The following SLC35D4 variants were observed in gnomAD, a reference collection of about 807,000 sequenced individuals.
SLC35D4 encodes the protein UDP-N-acetylglucosamine transporter SLC35D4.
At chr18:23,401,661 G>A in the SLC35D4 span, among the ~76,000 whole-genome samples, 1 of 152,180 alleles carries the variant, frequency 6.6e-6, no homozygotes, top group Non-Finnish European at 1.5e-5. Flanking sequence ...GGAAGGAGGA[G>A]GTGCACTGGG....
the SLC35D4 span, among the ~76,000 whole-genome samples, chr18:23,343,143 G>A: frequency 2.0e-5 from 3 of 152,148 alleles, no homozygotes; most frequent in South Asian, 2.1e-4. Context: ...GGCTGGTGTC[G>A]AACTCCTGAT....
At chr18:23,400,251 C>A in the SLC35D4 span, among the ~76,000 whole-genome samples, 2 of 152,204 alleles carry the variant, frequency 1.3e-5, no homozygotes, top group African/African-American at 2.4e-5. Context: ...TTTTCTCTTA[C>A]AATTTAGAAT....
the SLC35D4 span, among the ~76,000 whole-genome samples, chr18:23,434,737 T>C: frequency 6.6e-6 from 1 of 151,980 alleles, no homozygotes; most frequent in South Asian, 2.1e-4. Context: ...GAGGTTACAG[T>C]AAGCCATGAT....
the SLC35D4 span, chr18:23,437,956 A>G: frequency 1.6e-6 from 2 of 1,287,580 alleles, no homozygotes; most frequent in Non-Finnish European, 2.2e-6. Context: ...GCAGCCGCCC[A>G]GAGACGGCCA....
chr18:23,364,793 C>T, the SLC35D4 span, among the ~76,000 whole-genome samples: 1 of 150,292 alleles, frequency 6.7e-6, no homozygotes, highest in African/African-American at 2.4e-5. Context: ...GTCCCAGCCA[C>T]TCGGGAGGCT....
At chr18:23,249,161 C>T in the SLC35D4 span, among the ~76,000 whole-genome samples, 1 of 152,266 alleles carries the variant, frequency 6.6e-6, no homozygotes, top group Admixed American at 6.5e-5. Context: ...CTTGCTCCAG[C>T]CCTGCCTTCA....
chr18:23,418,888 G>GCCCAATTCTTACTGAACTA, the SLC35D4 span, among the ~76,000 whole-genome samples: 1 of 151,770 alleles, frequency 6.6e-6, no homozygotes, highest in Admixed American at 6.6e-5. Flanking sequence ...CGCGCCTGTA[G>GCCCAATTCTTACTGAACTA]TCCCAGCTAC....
chr18:23,248,561 C>T, the SLC35D4 span, among the ~76,000 whole-genome samples: 4 of 132,392 alleles, frequency 3.0e-5, no homozygotes, highest in South Asian at 9.8e-4. Flanking sequence ...GACGTGGTGG[C>T]TCATGCCTGT....
At chr18:23,266,841 C>T in the SLC35D4 span, among the ~76,000 whole-genome samples, 1 of 152,246 alleles carries the variant, frequency 6.6e-6, no homozygotes, top group Non-Finnish European at 1.5e-5. Flanking sequence ...ACCCGCCCTG[C>T]AGAGCAGCTT....
the SLC35D4 span, among the ~76,000 whole-genome samples, chr18:23,336,898 C>T: frequency 6.6e-6 from 1 of 152,172 alleles, no homozygotes; most frequent in Middle Eastern, 3.4e-3. Flanking sequence ...TAATAGAATA[C>T]AAAGTAGAAA....
chr18:23,412,953 T>C, the SLC35D4 span, among the ~76,000 whole-genome samples: 4 of 152,350 alleles, frequency 2.6e-5, no homozygotes, highest in South Asian at 6.2e-4. Flanking sequence ...CTAGCTGAGA[T>C]GCTCAAGGCT....
At chr18:23,253,119 C>T in the SLC35D4 span, 2 of 985,342 alleles carry the variant, frequency 2.0e-6, no homozygotes, top group Admixed American at 1.7e-5. Context: ...CCTCTTTCCA[C>T]ACACCGTAAG....
chr18:23,352,506 T>G, the SLC35D4 span, among the ~76,000 whole-genome samples: 1 of 152,168 alleles, frequency 6.6e-6, no homozygotes, highest in African/African-American at 2.4e-5. Flanking sequence ...GAATTTTGAT[T>G]AGAGGAATGG....
the SLC35D4 span, among the ~76,000 whole-genome samples, chr18:23,359,069 A>C: frequency 6.6e-6 from 1 of 152,144 alleles, no homozygotes; most frequent in East Asian, 1.9e-4. Context: ...TACACGGCTT[A>C]AGCACAAATC....
chr18:23,373,069 C>A, the SLC35D4 span, among the ~76,000 whole-genome samples: 2 of 152,094 alleles, frequency 1.3e-5, no homozygotes, highest in Admixed American at 6.6e-5. Flanking sequence ...ATACCAGCAC[C>A]TTGGGAGGCC....
At chr18:23,294,980 G>A in the SLC35D4 span, among the ~76,000 whole-genome samples, 1 of 151,532 alleles carries the variant, frequency 6.6e-6, no homozygotes, top group African/African-American at 2.4e-5. Flanking sequence ...TTGCTTAAAT[G>A]GCACTTGGAA....
chr18:23,270,513 C>A, the SLC35D4 span, among the ~76,000 whole-genome samples: 1 of 152,206 alleles, frequency 6.6e-6, no homozygotes, highest in Non-Finnish European at 1.5e-5. Flanking sequence ...CACCATCTTC[C>A]AGACCCCAGA....
chr18:23,359,879 C>T, the SLC35D4 span, among the ~76,000 whole-genome samples: 3 of 152,180 alleles, frequency 2.0e-5, no homozygotes, highest in South Asian at 6.2e-4. Flanking sequence ...CTCTACTATA[C>T]TTAAAAGAGT....
chr18:23,296,716 A>G, the SLC35D4 span: 1 of 152,330 alleles, frequency 6.6e-6, no homozygotes, highest in East Asian at 1.9e-4. Flanking sequence ...TAAAAGCTTT[A>G]AGAAATATAA....
Sources: allele counts gnomAD v4.1 joint callset (sites outside exome capture counted in the v4.1 genomes callset), GRCh38; gene constraint gnomAD v4.1.1; transcripts MANE v1.5; gene names NCBI Gene and HGNC (gene_info 2026-07-23, HGNC 2026-07-21).